The following HELB variants were observed in gnomAD, a reference collection of about 807,000 sequenced individuals.
HELB encodes the protein DNA 5'-3' helicase B.
Under a neutral mutation model 101.7 loss-of-function variants are expected in HELB, and 96 were observed. That is an observed-to-expected ratio of 0.94 (90% CI 0.80 to 1.12). The LOEUF is 1.12. Ranked by LOEUF, HELB falls within the 50% of genes most tolerant of loss-of-function variation. The pLI is 0.00. For missense variants in HELB, 1,210 were observed against 1,291.9 expected, an observed-to-expected ratio of 0.94 and a Z score of 0.97; for synonymous variants, 437 against 459.7, an observed-to-expected ratio of 0.95 and a Z score of 0.63.
Position 66,314,094 on chromosome 12 carries a change from G to A in HELB, c.1789G>A (p.Val597Ile). Residue 597 changes from valine to isoleucine, a missense_variant, in exon 5 of 13, where the codon GTA becomes ATA. Physicochemically the swap from Val to Ile is conservative, Grantham distance 29. Coordinates refer to ENST00000247815, the MANE Select transcript of HELB (RefSeq NM_001370285.1). ...LVVDEGSLVS[V>I]GIFKSVLNLL... ...TGTGGATGAAGGGAGTTTGGTATCT[G>A]TAGGAATCTTCAAATCGGTCTTAAA... 6.2e-7 allele frequency: 1 copy of A among 1,613,892 alleles called. No individual in the cohort carries two copies. The highest frequency in any genetic ancestry group is 8.5e-7 in the Non-Finnish European group (1 of 1,179,800).
Position 66,322,050 on chromosome 12 carries a change from T to C in HELB, c.2237+21T>C, listed in dbSNP as rs2053676497. On this transcript the variant is annotated intron_variant, in intron 8 of 12. Coordinates refer to ENST00000247815, the MANE Select transcript of HELB (RefSeq NM_001370285.1). ...AGAAGGTAAAGCATTTATAATATTT[T>C]AATGTTTTTAATCTAGCTTTTAAAT... 4.5e-6 allele frequency: 4 copies of C among 891,452 alleles called. No individual in the cohort carries two copies. In the East Asian group the frequency reaches 8.2e-5, roughly 18 times the overall value. 55.2% of individuals were successfully genotyped at this position (891,452 alleles called of 1,614,324 possible). A position where few individuals can be genotyped will look rare whatever the true frequency, so the allele number is the denominator to read the frequency against.
intron 7 of HELB, among the ~76,000 whole-genome samples, chr12:66,320,877 A>G (rs2053662578): frequency 6.6e-6 from 1 of 152,226 alleles, no homozygotes; most frequent in Non-Finnish European, 1.5e-5. Flanking sequence ...CTTAGAATCA[A>G]TAAAATACGT....
At chr12:66,340,007 A>G (rs2053905757), downstream of HELB, 1 of 152,268 alleles carries the variant, frequency 6.6e-6, no homozygotes, top group Admixed American at 6.5e-5. Flanking sequence ...GAATTTGTCC[A>G]TTCATCAGTT....
chr12:66,338,632 A>C (rs1480968027), downstream of HELB: 2 of 150,190 alleles, frequency 1.3e-5, no homozygotes, highest in African/African-American at 4.9e-5. Context: ...GCAGAGCGAG[A>C]CTCCGTCTCC....
rs771633508 is a variant in HELB at position 66,310,092 on chromosome 12, T to C, written c.1164T>C (p.Ser388=). 35 of 1,614,216 alleles carry C rather than the reference T, an allele frequency of 2.2e-5. No individual in the cohort carries two copies. The highest frequency in any genetic ancestry group is 2.9e-5 in the Non-Finnish European group (34 of 1,180,038). Residue 388 remains serine, a synonymous_variant, in exon 4 of 13, where the codon TCT becomes TCC. Coordinates refer to ENST00000247815, the MANE Select transcript of HELB (RefSeq NM_001370285.1). ...LCVDVEKVLA[S]IHTTKPENSS... is the part of the protein sequence containing the mutation. ...TCGATGTCGAAAAGGTGCTTGCCTC[T>C]ATTCACACCACAAAACCTGAGAATT...
Position 66,325,598 on chromosome 12 carries a change from G to A in HELB, c.2670+472G>A, listed in dbSNP as rs151071978. Among the ~76,000 whole-genome samples, 295 of 152,136 alleles carry A rather than the reference G, an allele frequency of 1.9e-3. 1 individual carries two copies. Among genetic ancestry groups the A allele is most frequent in the African/African-American group, 6.7e-3 (280 of 41,488 alleles). On this transcript the variant is annotated intron_variant, in intron 11 of 12. Coordinates refer to ENST00000247815, the MANE Select transcript of HELB (RefSeq NM_001370285.1). ...TGCCCTAGTCCTGGGTCTGCCTCCC[G>A]CCTTCCTCCAAAGTGACTTCTGCCC... is the stretch of plus-strand genomic sequence containing the variant.
At chr12:66,308,624 CTT>C (rs908624133) in intron 3 of HELB, among the ~76,000 whole-genome samples, 3 of 152,264 alleles carry the variant, frequency 2.0e-5, no homozygotes, top group Admixed American at 2.0e-4. Context: ...TCTTCCAAGG[CTT>C]CTCTCCTTGG....
chr12:66,322,095 G>T, intron 8 of HELB, 66 bp downstream of exon 8: 1 of 637,212 alleles, frequency 1.6e-6, no homozygotes, highest in Non-Finnish European at 2.7e-6. Context: ...TATTAATATA[G>T]ATCCTGTTTG....
chr12:66,314,075 T>A lies in HELB; in HGVS notation c.1770T>A (p.Asp590Glu). The change falls in exon 5 of 13, where the codon GAT becomes GAA. Residue 590 changes from aspartate to glutamate, a missense_variant. Physicochemically the swap from Asp to Glu is conservative, Grantham distance 45 (BLOSUM62 2). This residue lies in a region of HELB where 740 missense variants were observed against 728.8 expected (regional missense o/e 1.02). Transcript: ENST00000247815. ...KFSSVRVLVV[D>E]EGSLVSVGIF... ...CTTCGGTTAGAGTTCTGGTTGTGGA[T>A]GAAGGGAGTTTGGTATCTGTAGGAA... 6.2e-7 allele frequency: 1 copy of A among 1,613,884 alleles called. No individual in the cohort carries two copies.
Position 66,338,196 on chromosome 12 carries a change from A to G in HELB, c.*94A>G, listed in dbSNP as rs758915465. 47 of 747,188 alleles carry G rather than the reference A, an allele frequency of 6.3e-5. No homozygotes were observed. The highest frequency in any genetic ancestry group is 1.0e-4 in the Non-Finnish European group (44 of 431,224). 46.3% of individuals were successfully genotyped at this position (747,188 alleles called of 1,614,324 possible). On this transcript the variant is annotated 3_prime_UTR_variant, in exon 13 of 13. Transcript: ENST00000247815. ...AGTACCAAGATAAAAAAAGTTTCCT[A>G]TAACTGGAGTTTTAAGGTATTTGTG...
intron 3 of HELB, among the ~76,000 whole-genome samples, chr12:66,307,446 T>C (rs1349516702): frequency 6.6e-6 from 1 of 152,216 alleles, no homozygotes; most frequent in South Asian, 2.1e-4. Flanking sequence ...TTTAGCTCTT[T>C]TAGAGGTCTT....
intron 11 of HELB, among the ~76,000 whole-genome samples, chr12:66,330,513 G>A (rs2053792923): frequency 6.7e-6 from 1 of 149,750 alleles, no homozygotes; most frequent in Admixed American, 6.7e-5. Context: ...TAACTATATT[G>A]CTATACAGTT....
intron 3 of HELB, among the ~76,000 whole-genome samples, chr12:66,308,533 G>C (rs996119623): frequency 1.4e-4 from 21 of 152,200 alleles, no homozygotes; most frequent in Non-Finnish European, 2.6e-4. Flanking sequence ...CTGCTGACTG[G>C]TTGGCTTAAA....
chr12:66,334,126 C>T (rs1380859489), intron 12 of HELB, among the ~76,000 whole-genome samples: 1 of 151,988 alleles, frequency 6.6e-6, no homozygotes, highest in Non-Finnish European at 1.5e-5. Flanking sequence ...CATCATGGTA[C>T]TCCAGCCTGG....
intron 6 of HELB, among the ~76,000 whole-genome samples, chr12:66,317,518 C>T (rs1298384414): frequency 6.6e-6 from 1 of 152,186 alleles, no homozygotes; most frequent in African/African-American, 2.4e-5. Context: ...GACGATTAGT[C>T]ATTTTAAAGT....
chr12:66,324,047 C>G lies in HELB; in HGVS notation c.2362C>G (p.Leu788Val), dbSNP rs1473427013. ...DKICCTRNAY[L>V]SDLLPENISG... ...AATTTGTTGTACCAGGAATGCATAC[C>G]TCTCAGACTTACTACCTGAAAATAT... Residue 788 changes from leucine (L) to valine (V), a missense_variant, in exon 10 of 13, where the codon CTC becomes GTC. Physicochemically the swap from Leu to Val is conservative, Grantham distance 32. Coordinates refer to ENST00000247815, the MANE Select transcript of HELB (RefSeq NM_001370285.1). 1 of 1,613,428 alleles carries G rather than the reference C, an allele frequency of 6.2e-7. No individual in the cohort carries two copies. Among genetic ancestry groups the G allele is most frequent in the Admixed American group, 1.7e-5 (1 of 60,000 alleles).
intron 3 of HELB, among the ~76,000 whole-genome samples, chr12:66,308,174 T>G (rs368746286): frequency 6.6e-6 from 1 of 152,156 alleles, no homozygotes. Flanking sequence ...GGGCATTAAG[T>G]GATTACTGCT....
At chr12:66,306,943 A>G (rs1592630336) in intron 3 of HELB, among the ~76,000 whole-genome samples, 1 of 152,182 alleles carries the variant, frequency 6.6e-6, no homozygotes, top group Non-Finnish European at 1.5e-5. Flanking sequence ...GACAATTTTC[A>G]TTATTCATGT....
In HELB at chr12:66,302,676, GACGACGACTACCTAA is replaced by G; in HGVS notation, c.82_96del (p.Tyr28_Asp32del). The G allele has an allele frequency of 5.0e-6, 8 of 1,614,150 alleles. No homozygotes were observed. The highest frequency in any genetic ancestry group is 6.8e-6 in the Non-Finnish European group (8 of 1,179,992). ...CCCACCCAGGGATCTGGTGGAGGAGGACGACGACTACCTAAACGACGACGTGGAGGAGGATGAAGA... is the reference window on the plus strand; with the variant it reads ...CCCACCCAGGGATCTGGTGGAGGAGGACGACGACGTGGAGGAGGATGAAGA... On this transcript the variant is annotated inframe_deletion, in exon 1 of 13. Transcript: ENST00000247815.
Sources: gnomAD v4.1 joint callset for allele counts (sites outside exome capture counted in the v4.1 genomes callset) on GRCh38, gnomAD v4.1.1 for gene constraint, gnomAD v4.1.1 regional missense constraint, MANE v1.5 for transcripts, NCBI Gene and HGNC (gene_info 2026-07-23, HGNC 2026-07-21) for gene names.